MBP: variants seen among roughly 807,000 people sequenced by gnomAD.
The protein encoded by MBP is Golli-MBP.
In MBP, 16 loss-of-function variants were observed where a neutral mutation model predicts 35.8. The observed-to-expected ratio is 0.45, with a 90% CI of 0.30 to 0.68. The LOEUF (loss-of-function observed/expected upper bound fraction) is 0.68, where lower values mean the gene tolerates loss of function less well. MBP is among the 30% of genes least tolerant of loss of function. The probability of loss-of-function intolerance (pLI) is 0.08; values close to 1 mark genes in which losing one functional copy is unlikely to be tolerated. For missense variants in MBP, 380 were observed against 404.7 expected (o/e 0.94, Z 0.52); for synonymous variants, 143 against 159.6 (o/e 0.90, Z 0.78).
intron 4 of MBP, chr18:77,015,618 C>A: frequency 1.0e-6 from 1 of 985,442 alleles, no homozygotes; most frequent in East Asian, 1.1e-4. Flanking sequence ...CCTGAAATCT[C>A]AACTCAGACA....
At chr18:77,035,184 T>C (rs1408745286) in intron 3 of MBP, among the ~76,000 whole-genome samples, 1 of 152,200 alleles carries the variant, frequency 6.6e-6, no homozygotes, top group Non-Finnish European at 1.5e-5. Context: ...TGGCTGCTTC[T>C]TACGCATTCC....
intron 2 of MBP, among the ~76,000 whole-genome samples, chr18:77,077,972 C>A (rs757998426): frequency 4.1e-4 from 62 of 152,212 alleles, no homozygotes; most frequent in Non-Finnish European, 8.1e-4. Context: ...CCCGGGCCAT[C>A]CTCCCGAGAG....
Position 77,101,184 on chromosome 18 carries a change from G to A in MBP, c.51+4027C>T, listed in dbSNP as rs999622642. Among the ~76,000 whole-genome samples the A allele has an allele frequency of 6.6e-6, 1 of 152,220 alleles. No homozygotes were observed. Among genetic ancestry groups the A allele is most frequent in the Non-Finnish European group, 1.5e-5 (1 of 68,024 alleles). Reference sequence around the variant, plus strand: ...GGGCATCCCTCTGTGGGTGGGTCTTGCCCCCTGCCCCTCTCCTGGCATTGA... The same window carrying A: ...GGGCATCCCTCTGTGGGTGGGTCTTACCCCCTGCCCCTCTCCTGGCATTGA... On this transcript the variant is annotated intron_variant, in intron 2 of 8. Coordinates refer to ENST00000355994, the MANE Select transcript of MBP (RefSeq NM_001025101.2). The surrounding 1 kb of genome is among the most constrained non-coding windows in gnomAD (Gnocchi z 4.3).
chr18:77,041,918 T>A (rs1973019913), intron 3 of MBP, among the ~76,000 whole-genome samples: 2 of 136,002 alleles, frequency 1.5e-5, no homozygotes, highest in South Asian at 5.3e-4. Flanking sequence ...CCCTAAGACT[T>A]AAAGTATAAT....
chr18:77,087,438 C>T (rs539367684), intron 2 of MBP: 2 of 146,098 alleles, frequency 1.4e-5, no homozygotes, highest in Admixed American at 1.4e-4. Flanking sequence ...GCAGCAGCCC[C>T]GCTCTGAGCA....
At chr18:77,122,266 G>A (rs1363971348) in intron 1 of MBP, among the ~76,000 whole-genome samples, 1 of 152,176 alleles carries the variant, frequency 6.6e-6, no homozygotes, top group Non-Finnish European at 1.5e-5. Context: ...TAAACAAAAT[G>A]CTACCAAAAC....
intron 7 of MBP, chr18:76,987,107 G>T: frequency 1.0e-6 from 1 of 985,490 alleles, no homozygotes; most frequent in Non-Finnish European, 1.2e-6. Context: ...GGTCTTTCTT[G>T]TTAGCTGCTG....
rs1971943878 is a variant in MBP, at chr18:77,020,387, C to T, written c.140-3119G>A. Among the ~76,000 whole-genome samples the T allele has an allele frequency of 6.6e-6, 1 of 152,158 alleles. No homozygotes were observed. The highest frequency in any genetic ancestry group is 2.1e-4 in the South Asian group (1 of 4,834). On this transcript the variant is annotated intron_variant, in intron 3 of 8. Coordinates refer to ENST00000355994, the MANE Select transcript of MBP (RefSeq NM_001025101.2). This position sits in a 1 kb window ranked among gnomAD's most constrained non-coding sequence, Gnocchi z 4.1. Reference sequence around the variant, plus strand: ...ACAGATATTCTTCTACGTCGGTTTCCACAAAGGACCTCTTTCAGTAACTGC... The same window carrying T: ...ACAGATATTCTTCTACGTCGGTTTCTACAAAGGACCTCTTTCAGTAACTGC...
At chr18:77,112,560 C>T (rs962236804) in intron 1 of MBP, 2 of 152,328 alleles carry the variant, frequency 1.3e-5, no homozygotes, top group African/African-American at 4.8e-5. Context: ...TCTCCCTCCC[C>T]CTCCCCCTTC....
chr18:77,061,549 G>A (rs1973982566), intron 3 of MBP, among the ~76,000 whole-genome samples: 1 of 152,140 alleles, frequency 6.6e-6, no homozygotes, highest in South Asian at 2.1e-4. Flanking sequence ...AGGTGGTAGG[G>A]CTCTACCACC....
At chr18:77,007,206 G>A (rs1025692214) in intron 4 of MBP, among the ~76,000 whole-genome samples, 1 of 152,208 alleles carries the variant, frequency 6.6e-6, no homozygotes, top group Admixed American at 6.5e-5. Context: ...TTCTTCCGTG[G>A]CTGGTGCCCT....
In MBP at chr18:77,116,433, G is replaced by A. The variant is rs190060503; in HGVS notation, c.-25-11147C>T. Among the ~76,000 whole-genome samples the A allele has an allele frequency of 1.3e-3, 202 of 152,334 alleles. 1 individual carries two copies. Among genetic ancestry groups the A allele is most frequent in the African/African-American group, 4.7e-3 (197 of 41,576 alleles). ...TTTAAAGAAAAGGGCAGGAGACACA[G>A]CATGAAACAGAATGATGCATTGAAC... is the stretch of plus-strand genomic sequence containing the variant. On this transcript the variant is annotated intron_variant, in intron 1 of 8. Transcript: ENST00000355994.
Position 77,001,711 on chromosome 18 carries a change from G to A in MBP, c.577-11651C>T, listed in dbSNP as rs143433961. Among the ~76,000 whole-genome samples the A allele has an allele frequency of 7.6e-3, 1,153 of 152,218 alleles. 21 individuals are homozygous for A. The highest frequency in any genetic ancestry group is 0.026 in the African/African-American group (1,079 of 41,530). On this transcript the variant is annotated intron_variant, in intron 4 of 8. Transcript: ENST00000355994. ...ACTAAAATACGAGAATTAGCTGGGC[G>A]TGGTGGCGGACACCTGTAATCCCAG...
At chr18:77,013,125 C>T (rs955548930) in intron 4 of MBP, 18 of 985,324 alleles carry the variant, frequency 1.8e-5, no homozygotes, top group Non-Finnish European at 7.2e-6. Flanking sequence ...AGAGGAATGC[C>T]TATAAGAAAT....
chr18:76,983,805 T>G (rs1969360763), intron 8 of MBP: 2 of 152,292 alleles, frequency 1.3e-5, no homozygotes, highest in African/African-American at 4.8e-5. Flanking sequence ...ACCATGTCTG[T>G]GCTCATGTGG....
Position 76,988,047 on chromosome 18 carries a change from C to T in MBP, c.750+448G>A. ...GAGCAACTCTATTTAGCCTCTTTTT[C>T]TGTTCATCAGCAGAATCATTTTCCC... On this transcript the variant is annotated intron_variant, in intron 7 of 8. Coordinates refer to ENST00000355994, the MANE Select transcript of MBP (RefSeq NM_001025101.2). This position sits in a 1 kb window ranked among gnomAD's most constrained non-coding sequence, Gnocchi z 5.2. 7.1e-7 allele frequency: 1 copy of T among 1,414,126 alleles called. No individual in the cohort carries two copies. The highest frequency in any genetic ancestry group is 1.5e-5 in the South Asian group (1 of 67,676). The allele number at this position is 1,414,126 out of a possible 1,614,324, so 87.6% of individuals were successfully genotyped here. A position where few individuals can be genotyped will look rare whatever the true frequency, so the allele number is the denominator to read the frequency against.
At chr18:77,062,713 G>T (rs1974032508) in intron 3 of MBP, among the ~76,000 whole-genome samples, 2 of 152,190 alleles carry the variant, frequency 1.3e-5, no homozygotes, top group Non-Finnish European at 2.9e-5. Context: ...TTGTCTGTTT[G>T]TGGTTTTGAG....
At chr18:77,121,460 G>A (rs1327771581) in intron 1 of MBP, among the ~76,000 whole-genome samples, 5 of 152,108 alleles carry the variant, frequency 3.3e-5, no homozygotes, top group African/African-American at 4.8e-5. Flanking sequence ...TTAAACATGC[G>A]TGTTCAGGAA....
chr18:77,051,981 A>G (rs1362598316), intron 3 of MBP, among the ~76,000 whole-genome samples: 3 of 152,134 alleles, frequency 2.0e-5, no homozygotes, highest in African/African-American at 7.2e-5. Flanking sequence ...TCTCATTGGA[A>G]CAAGTGGGAA....
Sources: gnomAD v4.1 joint callset for allele counts (sites outside exome capture counted in the v4.1 genomes callset) on GRCh38, gnomAD v4.1.1 for gene constraint, Gnocchi (gnomAD v3.1) non-coding constraint, MANE v1.5 for transcripts, NCBI Gene and HGNC (gene_info 2026-07-23, HGNC 2026-07-21) for gene names.